The following VSIR variants were observed in gnomAD, a reference collection of about 807,000 sequenced individuals.
VSIR encodes the protein V-type immunoglobulin domain-containing suppressor of T-cell activation.
In VSIR, 10 loss-of-function variants were observed where a neutral mutation model predicts 31.0. The ratio of observed to expected loss-of-function variants is 0.32; its 90% CI spans 0.20 to 0.55. The LOEUF (loss-of-function observed/expected upper bound fraction) is 0.55. VSIR is among the 20% of genes least tolerant of loss of function. The pLI is 0.93. For missense variants in VSIR, 356 were observed against 416.2 expected, an observed-to-expected ratio of 0.86 and a Z score of 1.26; for synonymous variants, 179 against 180.1, an observed-to-expected ratio of 0.99 and a Z score of 0.05.
At position 71,749,245 on chromosome 10, in the gene VSIR, C is replaced by G. The variant is rs991749668; in HGVS notation, c.*2008G>C. The G allele has an allele frequency of 2.6e-5, 4 of 152,314 alleles. No homozygotes were observed. The highest frequency in any genetic ancestry group is 5.9e-5 in the Non-Finnish European group (4 of 68,098). 9.4% of individuals were successfully genotyped at this position (152,314 alleles called of 1,614,324 possible). ...CTCCAGGAACAGCAGGTGTCCTGTC[C>G]CCACTCCTGCCATGCAGGCCCCCAT... On this transcript the variant is annotated 3_prime_UTR_variant, in exon 7 of 7. Coordinates refer to ENST00000394957, the MANE Select transcript of VSIR (RefSeq NM_022153.2).
chr10:71,762,052 C>G, intron 1 of VSIR, 26 bp from the exon 2 acceptor site: 1 of 1,567,312 alleles, frequency 6.4e-7, no homozygotes, highest in South Asian at 1.2e-5. Flanking sequence ...AGAGCCCTGT[C>G]ACCTGACTGA....
chr10:71,768,976 T>C (rs1840624493), intron 1 of VSIR, among the ~76,000 whole-genome samples: 2 of 152,198 alleles, frequency 1.3e-5, no homozygotes, highest in African/African-American at 4.8e-5. Context: ...TCTGGTGCCA[T>C]CTGACTACTC....
At chr10:71,761,514 C>T (rs1840383780) in intron 2 of VSIR, 84 bp downstream of exon 2, 2 of 1,427,636 alleles carry the variant, frequency 1.4e-6, no homozygotes, top group Admixed American at 2.5e-5. Flanking sequence ...TCACACTCTG[C>T]CCAGCACAGT....
In VSIR at chr10:71,765,292, A is replaced by G. The variant is rs146781648; in HGVS notation, c.83-3266T>C. On this transcript the variant is annotated intron_variant, in intron 1 of 6. Transcript: ENST00000394957. ...TCCAGCTTCAGCTACGGTAGTATTT[A>G]CCACCAGCACACATACCTTGGGGGC... Among the ~76,000 whole-genome samples the G allele has an allele frequency of 8.4e-3, 1,272 of 152,266 alleles. 10 individuals are homozygous for G. The highest frequency in any genetic ancestry group is 0.013 in the Non-Finnish European group (895 of 68,020).
At chr10:71,759,593 TG>T (rs1306173955) in intron 3 of VSIR, among the ~76,000 whole-genome samples, 5 of 151,644 alleles carry the variant, frequency 3.3e-5, no homozygotes, top group Admixed American at 3.3e-4. Flanking sequence ...TTAGATCATT[TG>T]TCAGTAGTTT....
chr10:71,761,501 G>T, intron 2 of VSIR, 97 bp downstream of exon 2: 2 of 1,366,842 alleles, frequency 1.5e-6, no homozygotes, highest in Non-Finnish European at 1.9e-6. Context: ...TACCCATGCA[G>T]CCTCACACTC....
chr10:71,753,681 C>T (rs1840062823), intron 4 of VSIR: 2 of 443,926 alleles, frequency 4.5e-6, no homozygotes, highest in Non-Finnish European at 9.1e-6. Context: ...ATGCAGTGAC[C>T]CCAACTTCCC....
At position 71,769,385 on chromosome 10, in the gene VSIR, T is replaced by C. The variant is rs562339171; in HGVS notation, c.82+3973A>G. Among the ~76,000 whole-genome samples, 26 of 152,332 alleles carry C rather than the reference T, an allele frequency of 1.7e-4. No homozygotes were observed. In the South Asian group the frequency reaches 5.4e-3, roughly 32 times the overall value. On this transcript the variant is annotated intron_variant, in intron 1 of 6. Transcript: ENST00000394957. ...CCTGTTACGTTCTTTTATGGTTTTG[T>C]TCTATTTATGACAAGTGATACTGGC...
rs776230069 is a variant in VSIR at position 71,759,846 on chromosome 10, C to CACACACACATACACACACACACACAT, written c.568+1021_568+1022insATGTGTGTGTGTGTGTATGTGTGTGT. On this transcript the variant is annotated intron_variant, in intron 3 of 6. Transcript: ENST00000394957. ...ACACACACACACACACACACACACA[C>CACACACACATACACACACACACACAT]ATATACACACACACACACATATATA... Among the ~76,000 whole-genome samples the CACACACACATACACACACACACACAT allele has an allele frequency of 1.8e-4, 11 of 59,944 alleles. 4 individuals carry two copies. The highest frequency in any genetic ancestry group is 6.6e-4 in the African/African-American group (11 of 16,684). 39.3% of individuals were successfully genotyped at this position (59,944 alleles called of 152,430 possible).
intron 3 of VSIR, among the ~76,000 whole-genome samples, chr10:71,755,832 G>A (rs932859888): frequency 6.6e-6 from 1 of 152,162 alleles, no homozygotes; most frequent in Non-Finnish European, 1.5e-5. Flanking sequence ...CAGACCCCAT[G>A]CCACAGAGCT....
At chr10:71,757,201 G>C (rs1200165676) in intron 3 of VSIR, among the ~76,000 whole-genome samples, 3 of 152,210 alleles carry the variant, frequency 2.0e-5, no homozygotes, top group Non-Finnish European at 4.4e-5. Context: ...TCCTCTGGAC[G>C]GCTAGTAAGC....
intron 2 of VSIR, 93 bp downstream of exon 2, chr10:71,761,505 C>T: frequency 7.3e-7 from 1 of 1,375,348 alleles, no homozygotes; most frequent in Non-Finnish European, 9.6e-7. Context: ...CATGCAGCCT[C>T]ACACTCTGCC....
intron 4 of VSIR, chr10:71,753,760 G>A (rs1840064891): frequency 1.3e-5 from 6 of 456,274 alleles, no homozygotes; most frequent in South Asian, 6.2e-5. Context: ...TGCTGATTAC[G>A]ATGGGGAAAC....
At position 71,751,876 on chromosome 10, in the gene VSIR, G is replaced by C; in HGVS notation, c.705-15C>G. The C allele has an allele frequency of 6.5e-7, 1 of 1,539,158 alleles. No individual in the cohort carries two copies. The highest frequency in any genetic ancestry group is 8.8e-7 in the Non-Finnish European group (1 of 1,140,682). The stretch of plus-strand genomic sequence containing the variant: ...CTTGAATGTTGCTGCCACAGAACCA[G>C]AATGGAAGGTCATCTGTGCTGTCCG... On this transcript the variant is annotated splice_polypyrimidine_tract_variant and intron_variant, in intron 5 of 6. Transcript: ENST00000394957. This position sits in a 1 kb window ranked among gnomAD's most constrained non-coding sequence, Gnocchi z 4.9.
chr10:71,752,402 G>A (rs938563916), intron 5 of VSIR, among the ~76,000 whole-genome samples: 2 of 152,218 alleles, frequency 1.3e-5, no homozygotes, highest in Admixed American at 6.5e-5. Context: ...GAGGAGCTTT[G>A]TGTTTGGTGT....
chr10:71,759,899 A>G (rs1322925440), intron 3 of VSIR, among the ~76,000 whole-genome samples: 4 of 51,030 alleles, frequency 7.8e-5, no homozygotes, highest in African/African-American at 1.6e-4. Flanking sequence ...ACACACACAC[A>G]TATATACACA....
Position 71,761,758 on chromosome 10 carries a change from G to C in VSIR, c.351C>G (p.His117Gln). 1.2e-6 allele frequency: 2 copies of C among 1,614,158 alleles called. No homozygotes were observed. The highest frequency in any genetic ancestry group is 8.5e-7 in the Non-Finnish European group (1 of 1,180,030). Reference sequence around the variant, plus strand: ...GGTGGTCGGAGGCCGACTCCAGCCCGTGGCGCTGAGCCAGGTCGTGGCTGG... The same window carrying C: ...GGTGGTCGGAGGCCGACTCCAGCCCCTGGCGCTGAGCCAGGTCGTGGCTGG... ...ANTSHDLAQR[H>Q]GLESASDHHG... The change falls in exon 2 of 7, where the codon CAC becomes CAG. Residue 117 changes from histidine to glutamine, a missense_variant. By Grantham distance (24) the His-to-Gln change is conservative. This residue lies in a region of VSIR where 166 missense variants were observed against 231.0 expected (regional missense o/e 0.72). Transcript: ENST00000394957.
chr10:71,760,775 G>T (rs145409576), intron 3 of VSIR, 93 bp downstream of exon 3: 2 of 1,212,850 alleles, frequency 1.6e-6, no homozygotes, highest in African/African-American at 1.5e-5. Flanking sequence ...AGGGCTTGGG[G>T]TGATGAGGCC....
intron 3 of VSIR, among the ~76,000 whole-genome samples, chr10:71,755,882 T>C (rs1008493683): frequency 6.6e-6 from 1 of 152,162 alleles, no homozygotes; most frequent in African/African-American, 2.4e-5. Flanking sequence ...GTTTTGAAAA[T>C]AGACAGTGGT....
Sources: allele counts gnomAD v4.1 joint callset (sites outside exome capture counted in the v4.1 genomes callset), GRCh38; gene constraint gnomAD v4.1.1; regional missense constraint gnomAD v4.1.1; non-coding constraint Gnocchi (gnomAD v3.1); transcripts MANE v1.5; gene names NCBI Gene and HGNC (gene_info 2026-07-23, HGNC 2026-07-21).